SLC2A9: variants seen among roughly 807,000 people sequenced by gnomAD.
The protein encoded by SLC2A9 is solute carrier family 2 member 9, also known as solute carrier family 2, facilitated glucose transporter member 9.
A neutral mutation model predicts 50.6 loss-of-function variants in SLC2A9; 39 were observed. The ratio of observed to expected loss-of-function variants is 0.77; its 90% CI spans 0.60 to 1.01. The LOEUF (loss-of-function observed/expected upper bound fraction) is 1.01. SLC2A9 is among the 50% of genes least tolerant of loss of function. SLC2A9 has a pLI of 0.00. For synonymous variants in SLC2A9, 324 were observed against 276.9 expected (o/e 1.17, Z -1.69); for missense variants, 686 against 677.6 (o/e 1.01, Z -0.14).
intron 10 of SLC2A9, among the ~76,000 whole-genome samples, chr4:9,875,139 G>GTGTC (rs5856023): frequency 0.72 from 20,109 of 27,834 alleles, 8,109 homozygotes; most frequent in Non-Finnish European, 0.78. Flanking sequence ...CCATAGGTTA[G>GTGTC]TGTCTAAGAT....
chr4:9,776,424 A>T (rs1489694493), downstream of SLC2A9, among the ~76,000 whole-genome samples: 1 of 151,970 alleles, frequency 6.6e-6, no homozygotes, highest in Non-Finnish European at 1.5e-5. Context: ...TTTTCCTGCC[A>T]CTGCCCTGAG....
intron 9 of SLC2A9, 79 bp downstream of exon 9, chr4:9,890,531 A>G: frequency 7.4e-7 from 1 of 1,357,870 alleles, no homozygotes; most frequent in Non-Finnish European, 1.1e-6. Flanking sequence ...GAACCCACAA[A>G]TCAAAGGCCC....
intron 10 of SLC2A9, among the ~76,000 whole-genome samples, chr4:9,838,181 T>C (rs756084268): frequency 1.3e-5 from 2 of 152,130 alleles, no homozygotes; most frequent in Non-Finnish European, 1.5e-5. Flanking sequence ...GAGTAATATA[T>C]GCAAGGTTTC....
intron 1 of SLC2A9, among the ~76,000 whole-genome samples, chr4:9,772,776 G>C (rs1717000235): frequency 6.6e-6 from 1 of 151,796 alleles, no homozygotes; most frequent in African/African-American, 2.4e-5. Context: ...ATTTACCCAT[G>C]ATATCTCTTC....
At chr4:10,008,816 C>T (rs1308259270) in intron 2 of SLC2A9, among the ~76,000 whole-genome samples, 2 of 151,302 alleles carry the variant, frequency 1.3e-5, no homozygotes, top group Non-Finnish European at 2.9e-5. Context: ...CCATGTGGGG[C>T]TGGTATACAA....
At chr4:9,920,298 C>G (rs916305226) in intron 7 of SLC2A9, 87 bp downstream of exon 7, 281 of 1,441,602 alleles carry the variant, frequency 1.9e-4, no homozygotes, top group Non-Finnish European at 2.5e-4. Flanking sequence ...AGATTTGAAC[C>G]TGGGCGTCTG....
intron 10 of SLC2A9, among the ~76,000 whole-genome samples, chr4:9,837,801 A>G (rs181962024): frequency 6.6e-6 from 1 of 152,312 alleles, no homozygotes; most frequent in Non-Finnish European, 1.5e-5. Context: ...CTAAGCAACC[A>G]TGAGGAGCCT....
chr4:9,840,770 A>G (rs574093894), intron 10 of SLC2A9, among the ~76,000 whole-genome samples: 13 of 143,008 alleles, frequency 9.1e-5, no homozygotes, highest in Non-Finnish European at 1.7e-4. Flanking sequence ...TTGCACTGCT[A>G]TAAAGATATA....
intron 10 of SLC2A9, among the ~76,000 whole-genome samples, chr4:9,843,527 G>C (rs1728437268): frequency 2.6e-5 from 4 of 152,224 alleles, no homozygotes; most frequent in Admixed American, 1.3e-4. Flanking sequence ...TGATACTATA[G>C]TTTGGAGCAT....
At chr4:9,895,986 T>C (rs1269057849) in intron 8 of SLC2A9, among the ~76,000 whole-genome samples, 2 of 152,264 alleles carry the variant, frequency 1.3e-5, no homozygotes, top group African/African-American at 4.8e-5. Context: ...TTCCATTGCA[T>C]GGATATACCA....
intron 4 of SLC2A9, among the ~76,000 whole-genome samples, chr4:9,984,421 T>A (rs531743093): frequency 2.0e-4 from 31 of 152,148 alleles, no homozygotes; most frequent in African/African-American, 7.0e-4. Flanking sequence ...TGTGTGTGTG[T>A]GAGAGAGACA....
chr4:9,846,594 T>C (rs1037823278), intron 10 of SLC2A9, among the ~76,000 whole-genome samples: 1 of 152,168 alleles, frequency 6.6e-6, no homozygotes, highest in African/African-American at 2.4e-5. Flanking sequence ...TCCTTGCCTA[T>C]AATCTCATTT....
At chr4:9,936,396 C>T (rs561019437) in intron 6 of SLC2A9, among the ~76,000 whole-genome samples, 1 of 152,226 alleles carries the variant, frequency 6.6e-6, no homozygotes, top group South Asian at 2.1e-4. Context: ...GGGGCTGGAC[C>T]CCAGCTCTGC....
chr4:9,773,263 T>G (rs1717087082), intron 1 of SLC2A9, among the ~76,000 whole-genome samples: 3 of 151,672 alleles, frequency 2.0e-5, no homozygotes, highest in Admixed American at 2.0e-4. Flanking sequence ...CCCCATCCCC[T>G]CCCCTCTACC....
chr4:10,006,095 G>A (rs1286884964), intron 2 of SLC2A9, among the ~76,000 whole-genome samples: 1 of 152,114 alleles, frequency 6.6e-6, no homozygotes, highest in Non-Finnish European at 1.5e-5. Flanking sequence ...AGGGGCCTAG[G>A]CTCATTTATT....
In SLC2A9 at chr4:10,019,220, C is replaced by A; in HGVS notation, c.151-147G>T. On this transcript the variant is annotated intron_variant, in intron 1 of 11. Transcript: ENST00000264784. ...GGGGTAGAGACAGAGAGAAGAGACG[C>A]AAGTTGGGGACCTGCAAGTAGGGTT... 4.4e-6 allele frequency: 3 copies of A among 688,490 alleles called. No homozygotes were observed. In the South Asian group the frequency reaches 5.2e-5, roughly 12 times the overall value. The allele number at this position is 688,490 out of a possible 1,614,324, so 42.6% of individuals were successfully genotyped here.
intron 2 of SLC2A9, 49 bp from the exon 3 acceptor site, chr4:9,996,990 G>A: frequency 6.2e-7 from 1 of 1,602,080 alleles, no homozygotes. Flanking sequence ...CTCTCCTGCT[G>A]CTTGAAGCAA....
intron 8 of SLC2A9, among the ~76,000 whole-genome samples, chr4:9,897,993 C>T (rs893104963): frequency 1.3e-5 from 2 of 152,154 alleles, no homozygotes; most frequent in Non-Finnish European, 2.9e-5. Context: ...CTAAGAAACA[C>T]CCAAGATCAC....
chr4:9,803,305 G>A (rs1204058922), intron 3 of SLC2A9, among the ~76,000 whole-genome samples: 1 of 152,218 alleles, frequency 6.6e-6, no homozygotes. Flanking sequence ...GATTTTGATG[G>A]TGATGATATA....
Sources: gnomAD v4.1 joint callset for allele counts (sites outside exome capture counted in the v4.1 genomes callset) on GRCh38, gnomAD v4.1.1 for gene constraint, MANE v1.5 for transcripts, NCBI Gene and HGNC (gene_info 2026-07-23, HGNC 2026-07-21) for gene names.